The following CDKAL1 variants were observed in gnomAD, a reference collection of about 807,000 sequenced individuals.
The protein encoded by CDKAL1 is CDKAL1 threonylcarbamoyladenosine tRNA methylthiotransferase.
In CDKAL1, 32 loss-of-function variants were observed where a neutral mutation model predicts 68.2. That is an observed-to-expected ratio of 0.47 (90% CI 0.35 to 0.63). CDKAL1 has a LOEUF of 0.63. CDKAL1 is among the 30% of genes least tolerant of loss of function. CDKAL1 has a pLI of 0.00. For missense variants in CDKAL1, 606 were observed against 696.7 expected (o/e 0.87, Z 1.47); for synonymous variants, 234 against 244.3 (o/e 0.96, Z 0.39).
intron 13 of CDKAL1, among the ~76,000 whole-genome samples, chr6:21,134,237 A>G (rs941228708): frequency 4.6e-5 from 7 of 152,292 alleles, no homozygotes; most frequent in Non-Finnish European, 1.0e-4. Context: ...AGGAGCTCAA[A>G]TTCGGTTTTA....
chr6:20,951,447 CT>C (rs1380681610), intron 9 of CDKAL1, among the ~76,000 whole-genome samples: 1 of 152,206 alleles, frequency 6.6e-6, no homozygotes, highest in Non-Finnish European at 1.5e-5. Context: ...AGGTCTTCTA[CT>C]TCCGTCTCCT....
intron 11 of CDKAL1, among the ~76,000 whole-genome samples, chr6:21,033,042 T>G (rs1481669045): frequency 6.6e-6 from 1 of 152,182 alleles, no homozygotes; most frequent in Non-Finnish European, 1.5e-5. Context: ...CAACATCTAC[T>G]GTAGAGACCA....
At chr6:21,163,537 T>TA (rs1164460541) in intron 13 of CDKAL1, among the ~76,000 whole-genome samples, 6 of 152,206 alleles carry the variant, frequency 3.9e-5, no homozygotes, top group Non-Finnish European at 5.9e-5. Context: ...AAAAGTTCTT[T>TA]AACCAATCAT....
chr6:21,099,881 A>C (rs1050852683), intron 12 of CDKAL1, among the ~76,000 whole-genome samples: 1 of 152,248 alleles, frequency 6.6e-6, no homozygotes, highest in African/African-American at 2.4e-5. Flanking sequence ...AAATTAGTTA[A>C]GTCTCTTGCC....
chr6:20,839,410 C>T lies in CDKAL1; in HGVS notation c.639-6665C>T, dbSNP rs80266038. Among the ~76,000 whole-genome samples, 12 of 152,238 alleles carry T rather than the reference C, an allele frequency of 7.9e-5. No homozygotes were observed. The East Asian group carries it at 2.3e-3, about 29-fold the overall frequency. On this transcript the variant is annotated intron_variant, in intron 8 of 15. Transcript: ENST00000274695. ...TTTTTGTCCTATCTTGGCAAAATAA[C>T]AAATCGGTAGCCTATTTGATGTCCA...
At chr6:20,607,395 A>C (rs1766379234) in intron 4 of CDKAL1, among the ~76,000 whole-genome samples, 1 of 152,228 alleles carries the variant, frequency 6.6e-6, no homozygotes, top group Admixed American at 6.5e-5. Context: ...TTCATAGACT[A>C]TCATAGATTT....
At chr6:20,814,656 C>G (rs780186362) in intron 8 of CDKAL1, among the ~76,000 whole-genome samples, 92 of 152,208 alleles carry the variant, frequency 6.0e-4, no homozygotes, top group Non-Finnish European at 1.1e-3. Flanking sequence ...TCCTTCACTA[C>G]TAAGTCAGAA....
chr6:20,718,444 G>A (rs1013305100), intron 5 of CDKAL1, among the ~76,000 whole-genome samples: 4 of 152,094 alleles, frequency 2.6e-5, no homozygotes, highest in Non-Finnish European at 5.9e-5. Context: ...TCCATTTCTT[G>A]TTTTATTTCT....
chr6:20,858,277 G>T (rs1486111056), intron 9 of CDKAL1, among the ~76,000 whole-genome samples: 1 of 152,040 alleles, frequency 6.6e-6, no homozygotes, highest in Non-Finnish European at 1.5e-5. Context: ...TTGGGAATCA[G>T]TAGCCTAGAT....
intron 11 of CDKAL1, among the ~76,000 whole-genome samples, chr6:21,047,911 G>A (rs1770330607): frequency 6.6e-6 from 1 of 152,096 alleles, no homozygotes; most frequent in African/African-American, 2.4e-5. Flanking sequence ...TTTGGATAGG[G>A]GATTGTACAA....
intron 7 of CDKAL1, among the ~76,000 whole-genome samples, chr6:20,771,924 C>T (rs1303817260): frequency 6.6e-6 from 1 of 152,166 alleles, no homozygotes; most frequent in African/African-American, 2.4e-5. Flanking sequence ...GCCAATTAAA[C>T]CTCTTTTCTT....
chr6:20,865,837 A>C (rs1203207794), intron 9 of CDKAL1, among the ~76,000 whole-genome samples: 1 of 152,186 alleles, frequency 6.6e-6, no homozygotes, highest in Non-Finnish European at 1.5e-5. Context: ...TACCCATCAC[A>C]GTAACTTGAT....
intron 15 of CDKAL1, among the ~76,000 whole-genome samples, chr6:21,210,961 C>T (rs1165394923): frequency 6.6e-6 from 1 of 152,206 alleles, no homozygotes; most frequent in Non-Finnish European, 1.5e-5. Flanking sequence ...CATCTGCTTC[C>T]TCATGAAGCT....
chr6:21,048,723 A>C (rs1770381809), intron 11 of CDKAL1, among the ~76,000 whole-genome samples: 1 of 152,024 alleles, frequency 6.6e-6, no homozygotes, highest in Non-Finnish European at 1.5e-5. Flanking sequence ...AATTTTATAA[A>C]TTATTCTTCC....
At chr6:20,929,448 G>A (rs1389687265) in intron 9 of CDKAL1, among the ~76,000 whole-genome samples, 1 of 152,128 alleles carries the variant, frequency 6.6e-6, no homozygotes. Context: ...GAAAAAGTAA[G>A]GTAGAAAAAA....
At chr6:21,042,585 A>C (rs1769992093) in intron 11 of CDKAL1, among the ~76,000 whole-genome samples, 1 of 151,996 alleles carries the variant, frequency 6.6e-6, no homozygotes. Context: ...TCAGTCACCT[A>C]ATCAGCCACC....
chr6:21,053,894 T>A (rs904234764), intron 11 of CDKAL1, among the ~76,000 whole-genome samples: 7 of 152,214 alleles, frequency 4.6e-5, no homozygotes, highest in Non-Finnish European at 5.9e-5. Context: ...TGCAAATATT[T>A]TATTCTACTC....
intron 4 of CDKAL1, among the ~76,000 whole-genome samples, chr6:20,554,913 G>T (rs1185214731): frequency 2.6e-5 from 4 of 152,244 alleles, no homozygotes; most frequent in African/African-American, 7.2e-5. Flanking sequence ...AAACACTGAA[G>T]AGTAATGGTG....
chr6:21,070,974 A>G (rs546281001), intron 12 of CDKAL1, among the ~76,000 whole-genome samples: 3 of 152,128 alleles, frequency 2.0e-5, no homozygotes, highest in Non-Finnish European at 4.4e-5. Context: ...AAAATTTGTG[A>G]AGCACTGATC....
Sources: gnomAD v4.1 joint callset for allele counts (sites outside exome capture counted in the v4.1 genomes callset) on GRCh38, gnomAD v4.1.1 for gene constraint, MANE v1.5 for transcripts, NCBI Gene and HGNC (gene_info 2026-07-23, HGNC 2026-07-21) for gene names.